Variants in DNAAF10 observed in about 807,000 individuals in gnomAD.
The protein encoded by DNAAF10 is WD repeat domain 92.
DNAAF10 carries 28 observed loss-of-function variants against 43.7 expected under a neutral mutation model. That is an observed-to-expected ratio of 0.64 (90% CI 0.48 to 0.88). The LOEUF is 0.88. Among genes scored for constraint, DNAAF10 ranks in the 40% least tolerant of loss-of-function variants. The pLI is 0.00. For synonymous variants in DNAAF10, 156 were observed against 157.3 expected, an observed-to-expected ratio of 0.99 and a Z score of 0.06; for missense variants, 403 against 439.1, an observed-to-expected ratio of 0.92 and a Z score of 0.73.
chr2:68,134,259 C>A, intron 7 of DNAAF10: 3 of 1,001,926 alleles, frequency 3.0e-6, no homozygotes, highest in Non-Finnish European at 3.6e-6. Flanking sequence ...ACTCACCCTG[C>A]CTAGATATGC....
chr2:68,152,833 G>A (rs1318666760), intron 1 of DNAAF10, among the ~76,000 whole-genome samples: 1 of 152,146 alleles, frequency 6.6e-6, no homozygotes, highest in African/African-American at 2.4e-5. Context: ...TTCTGCATGT[G>A]GGTGGGTCTA....
At chr2:68,150,541 T>C (rs1307369238) in intron 1 of DNAAF10, among the ~76,000 whole-genome samples, 1 of 152,066 alleles carries the variant, frequency 6.6e-6, no homozygotes, top group Non-Finnish European at 1.5e-5. Flanking sequence ...AAGACCAGCC[T>C]GGCCAAAATG....
chr2:68,155,408 C>T (rs1463944224), intron 1 of DNAAF10, among the ~76,000 whole-genome samples: 1 of 151,338 alleles, frequency 6.6e-6, no homozygotes, highest in Non-Finnish European at 1.5e-5. Flanking sequence ...GCAGGAGAAT[C>T]GCTTGAACCT....
chr2:68,134,641 C>T, intron 7 of DNAAF10, 61 bp downstream of exon 7: 1 of 1,576,390 alleles, frequency 6.3e-7, no homozygotes, highest in South Asian at 1.2e-5. Flanking sequence ...AAAGTTCAAT[C>T]TAATCCTACT....
In DNAAF10 at chr2:68,147,433, C is replaced by T. The variant is rs1294464600; in HGVS notation, c.284+34G>A. On this transcript the variant is annotated intron_variant, in intron 2 of 7. Coordinates refer to ENST00000295121, the MANE Select transcript of DNAAF10 (RefSeq NM_138458.4). ...TGAAACTATCAAATAAATTGCCTAT[C>T]TCATCTGTCTGAATACTGACTAAAT... 3 of 1,501,336 alleles carry T rather than the reference C, an allele frequency of 2.0e-6. No individual in the cohort carries two copies. In the African/African-American group the frequency reaches 4.2e-5, roughly 21 times the overall value. 93.0% of individuals were successfully genotyped at this position (1,501,336 alleles called of 1,614,324 possible).
chr2:68,139,945 G>A (rs1673137409), intron 4 of DNAAF10, among the ~76,000 whole-genome samples: 1 of 152,162 alleles, frequency 6.6e-6, no homozygotes, highest in African/African-American at 2.4e-5. Context: ...ATATTTGAAT[G>A]CAAACAGAAA....
intron 6 of DNAAF10, among the ~76,000 whole-genome samples, chr2:68,135,251 A>G (rs139496940): frequency 6.6e-6 from 1 of 152,322 alleles, no homozygotes; most frequent in African/African-American, 2.4e-5. Context: ...AAACTCAGCA[A>G]TAAGTACATA....
intron 1 of DNAAF10, among the ~76,000 whole-genome samples, chr2:68,155,404 G>C (rs577717782): frequency 1.3e-5 from 2 of 151,286 alleles, no homozygotes; most frequent in African/African-American, 4.9e-5. Flanking sequence ...TGAGGCAGGA[G>C]AATCGCTTGA....
chr2:68,138,746 T>G lies in DNAAF10; in HGVS notation c.629A>C (p.Asn210Thr), dbSNP rs1194999845. The change falls in exon 5 of 8, where the codon AAT becomes ACT. Residue 210 changes from asparagine (N) to threonine (T), a missense_variant. Physicochemically the swap from Asn to Thr is moderately conservative, Grantham distance 65 (BLOSUM62 0). Coordinates refer to ENST00000295121, the MANE Select transcript of DNAAF10 (RefSeq NM_138458.4). Reference protein sequence around the residue: ...MALRWETNIKNGVCSLEFDRK... With the variant: ...MALRWETNIKTGVCSLEFDRK... ...AAGCCTCAGAATGTACTTTACCCCATTTTTGATGTTTGTCTCCCACCGTAA... is the reference window on the plus strand; with the variant it reads ...AAGCCTCAGAATGTACTTTACCCCAGTTTTGATGTTTGTCTCCCACCGTAA... 1 of 1,610,860 alleles carries G rather than the reference T, an allele frequency of 6.2e-7. No individual in the cohort carries two copies. Among genetic ancestry groups the G allele is most frequent in the Non-Finnish European group, 8.5e-7 (1 of 1,177,146 alleles).
chr2:68,156,101 CAAAAAAAA>C (rs10606309), intron 1 of DNAAF10, among the ~76,000 whole-genome samples: 1 of 58,586 alleles, frequency 1.7e-5, no homozygotes, highest in Non-Finnish European at 3.0e-5. Context: ...GACCCTGTCT[CAAAAAAAA>C]AAAAAAAAAA....
intron 1 of DNAAF10, among the ~76,000 whole-genome samples, chr2:68,153,628 C>G (rs1241916242): frequency 6.6e-6 from 1 of 152,008 alleles, no homozygotes; most frequent in African/African-American, 2.4e-5. Context: ...ACACACAAGC[C>G]ACAAAATGCA....
At chr2:68,140,746 T>G (rs1673157716) in intron 4 of DNAAF10, among the ~76,000 whole-genome samples, 1 of 152,198 alleles carries the variant, frequency 6.6e-6, no homozygotes, top group African/African-American at 2.4e-5. Flanking sequence ...TCTAAGGATA[T>G]TCCTACTATT....
intron 1 of DNAAF10, among the ~76,000 whole-genome samples, chr2:68,153,516 A>C (rs771803363): frequency 1.4e-4 from 21 of 152,096 alleles, no homozygotes; most frequent in Non-Finnish European, 2.6e-4. Context: ...GGAAGTTTAA[A>C]AATACTCTGA....
intron 1 of DNAAF10, among the ~76,000 whole-genome samples, chr2:68,153,378 T>C (rs1222110689): frequency 6.8e-6 from 1 of 146,738 alleles, no homozygotes; most frequent in Non-Finnish European, 1.5e-5. Flanking sequence ...GAACGATGCA[T>C]GAGTTTTGGA....
intron 1 of DNAAF10, among the ~76,000 whole-genome samples, chr2:68,152,260 A>G (rs1002720450): frequency 2.6e-5 from 4 of 152,228 alleles, no homozygotes; most frequent in African/African-American, 7.2e-5. Context: ...ATTTATGGTC[A>G]TTAGTGGTCT....
At chr2:68,152,703 G>C (rs1420903413) in intron 1 of DNAAF10, among the ~76,000 whole-genome samples, 1 of 152,038 alleles carries the variant, frequency 6.6e-6, no homozygotes, top group Non-Finnish European at 1.5e-5. Context: ...TTTGCTATGT[G>C]ATACTGAAAA....
chr2:68,137,668 A>C (rs994423856), intron 5 of DNAAF10, among the ~76,000 whole-genome samples: 1 of 151,802 alleles, frequency 6.6e-6, no homozygotes, highest in Non-Finnish European at 1.5e-5. Flanking sequence ...GGAGATCAAG[A>C]CCAGCCTGAC....
chr2:68,141,632 C>A, intron 4 of DNAAF10, 62 bp downstream of exon 4: 1 of 1,482,012 alleles, frequency 6.7e-7, no homozygotes. Context: ...TGTGAAATTT[C>A]TTGCAGCATC....
intron 5 of DNAAF10, 36 bp from the exon 6 acceptor site, chr2:68,137,469 C>A: frequency 6.3e-7 from 1 of 1,582,802 alleles, no homozygotes; most frequent in Non-Finnish European, 8.6e-7. Context: ...GGTAGTCTCA[C>A]CAGTATTACT....
Sources: allele counts gnomAD v4.1 joint callset (sites outside exome capture counted in the v4.1 genomes callset), GRCh38; gene constraint gnomAD v4.1.1; transcripts MANE v1.5; gene names NCBI Gene and HGNC (gene_info 2026-07-23, HGNC 2026-07-21).